MRRF: variants seen among roughly 807,000 people sequenced by gnomAD.
MRRF encodes ribosome-recycling factor, mitochondrial.
MRRF carries 18 observed loss-of-function variants against 25.1 expected under a neutral mutation model. That is an observed-to-expected ratio of 0.72 (90% CI 0.50 to 1.06). The LOEUF (loss-of-function observed/expected upper bound fraction) is 1.06, where lower values mean the gene tolerates loss of function less well. MRRF is among the 50% of genes least tolerant of loss of function. MRRF has a pLI of 0.00. For synonymous variants in MRRF, 113 were observed against 112.1 expected (o/e 1.01, Z -0.05); for missense variants, 323 against 319.3 (o/e 1.01, Z -0.09).
chr9:122,275,153 A>G (rs1285801123), intron 2 of MRRF, among the ~76,000 whole-genome samples: 5 of 151,482 alleles, frequency 3.3e-5, no homozygotes, highest in Non-Finnish European at 2.9e-5. Context: ...TCCAGAGTAT[A>G]ATACAATATT....
intron 5 of MRRF, among the ~76,000 whole-genome samples, chr9:122,312,168 G>T (rs1835244822): frequency 6.6e-6 from 1 of 152,312 alleles, no homozygotes; most frequent in East Asian, 1.9e-4. Context: ...AAAGATCGGG[G>T]TTTGAATCCC....
At chr9:122,265,034 A>G (rs1034253805) in intron 1 of MRRF, 96 bp downstream of exon 1, 3 of 146,432 alleles carry the variant, frequency 2.0e-5, no homozygotes, top group African/African-American at 7.8e-5. Context: ...GGACCAGACT[A>G]CCGTCCCCGA....
chr9:122,283,133 G>A (rs995794434), intron 3 of MRRF, among the ~76,000 whole-genome samples: 8 of 146,240 alleles, frequency 5.5e-5, no homozygotes, highest in Admixed American at 4.2e-4. Context: ...TTGCACTGTC[G>A]CCAGGAGTGG....
intron 2 of MRRF, among the ~76,000 whole-genome samples, chr9:122,279,101 G>A (rs1832948413): frequency 6.6e-6 from 1 of 152,110 alleles, no homozygotes; most frequent in Non-Finnish European, 1.5e-5. Flanking sequence ...TTGAACTCCT[G>A]ACCTCGTGAT....
Position 122,269,616 on chromosome 9 carries a change from A to T in MRRF, c.-28-1248A>T, listed in dbSNP as rs892357741. Among the ~76,000 whole-genome samples, 6 of 152,154 alleles carry T rather than the reference A, an allele frequency of 3.9e-5. No homozygotes were observed. The South Asian group carries it at 1.0e-3, about 26-fold the overall frequency. On this transcript the variant is annotated intron_variant, in intron 1 of 6. Transcript: ENST00000344641. The stretch of plus-strand genomic sequence containing the variant: ...GTGGCATGTGCCTGTAATCCCAGCT[A>T]CTTGGGAGGCTGAGGCATGAGAATT...
At chr9:122,286,152 A>G (rs1183686629) in intron 4 of MRRF, 2 of 1,279,836 alleles carry the variant, frequency 1.6e-6, no homozygotes, top group Admixed American at 4.6e-5. Context: ...CCATTTCCTC[A>G]TCTGCTAATA....
At chr9:122,277,861 ACTTT>A (rs1832872232) in intron 2 of MRRF, among the ~76,000 whole-genome samples, 1 of 151,446 alleles carries the variant, frequency 6.6e-6, no homozygotes, top group South Asian at 2.1e-4. Context: ...CTTATTTTGG[ACTTT>A]CTTTATATCA....
intron 5 of MRRF, among the ~76,000 whole-genome samples, chr9:122,294,192 T>C (rs530835614): frequency 7.2e-5 from 11 of 152,304 alleles, no homozygotes; most frequent in African/African-American, 2.6e-4. Context: ...TTTCTGAAGC[T>C]CCAAAATACT....
intron 2 of MRRF, among the ~76,000 whole-genome samples, chr9:122,276,039 C>T (rs1341709829): frequency 1.3e-5 from 2 of 152,062 alleles, no homozygotes; most frequent in African/African-American, 2.4e-5. Flanking sequence ...TCCCAAGTAG[C>T]TGGGACTATA....
chr9:122,291,870 A>G lies in MRRF; in HGVS notation c.551+30A>G. The G allele has an allele frequency of 2.0e-6, 3 of 1,505,854 alleles. No homozygotes were observed. The East Asian group carries it at 6.8e-5, about 34-fold the overall frequency. 93.3% of individuals were successfully genotyped at this position (1,505,854 alleles called of 1,614,324 possible). A position where few individuals can be genotyped will look rare whatever the true frequency, so the allele number is the denominator to read the frequency against. ...GTTTGGCTGAAATTCACATATTTTG[A>G]TGAAACGGGGTGGTTGTCCTTGGAA... On this transcript the variant is annotated intron_variant, in intron 5 of 6. Coordinates refer to ENST00000344641, the MANE Select transcript of MRRF (RefSeq NM_138777.5).
At chr9:122,287,880 C>G (rs764548852) in intron 4 of MRRF, among the ~76,000 whole-genome samples, 1 of 152,192 alleles carries the variant, frequency 6.6e-6, no homozygotes, top group Non-Finnish European at 1.5e-5. Flanking sequence ...ATAGCTCTAA[C>G]TAAAGATTTC....
At chr9:122,303,765 C>A (rs1340926797) in intron 5 of MRRF, among the ~76,000 whole-genome samples, 4 of 152,152 alleles carry the variant, frequency 2.6e-5, no homozygotes, top group Non-Finnish European at 5.9e-5. Context: ...TGCTCATGGT[C>A]ATAGATTAGT....
chr9:122,299,818 T>G (rs1834330453), intron 5 of MRRF, among the ~76,000 whole-genome samples: 1 of 151,912 alleles, frequency 6.6e-6, no homozygotes, highest in Non-Finnish European at 1.5e-5. Context: ...GATCTGAGAT[T>G]ATTGGACTTA....
At chr9:122,287,144 C>A (rs1833466402) in intron 4 of MRRF, among the ~76,000 whole-genome samples, 1 of 152,216 alleles carries the variant, frequency 6.6e-6, no homozygotes, top group Non-Finnish European at 1.5e-5. Context: ...ACACTAAGTT[C>A]TCCTATACAG....
At position 122,327,466 on chromosome 9, in the gene MRRF, T is replaced by C. The variant is rs1316631227; in HGVS notation, c.*4849T>C. On this transcript the variant is annotated 3_prime_UTR_variant, in exon 7 of 7. Transcript: ENST00000344641. The stretch of plus-strand genomic sequence containing the variant: ...CCTAATAGACGGTCATTTTTCATGA[T>C]GTGCATTTGAAATGATATGTTCCCT... 1 of 152,226 alleles carries C rather than the reference T, an allele frequency of 6.6e-6. No homozygotes were observed. The highest frequency in any genetic ancestry group is 2.4e-5 in the African/African-American group (1 of 41,458). The allele number at this position is 152,226 out of a possible 1,614,324, so 9.4% of individuals were successfully genotyped here.
intron 6 of MRRF, among the ~76,000 whole-genome samples, chr9:122,321,599 A>C (rs1317476722): frequency 1.3e-5 from 2 of 152,220 alleles, no homozygotes; most frequent in Non-Finnish European, 2.9e-5. Context: ...TATCCATTTC[A>C]TCATAGCTTG....
intron 1 of MRRF, among the ~76,000 whole-genome samples, chr9:122,268,582 T>A (rs1344484434): frequency 6.6e-6 from 1 of 152,226 alleles, no homozygotes; most frequent in African/African-American, 2.4e-5. Context: ...AGTGACTTAA[T>A]CTCTCTGAAC....
intron 4 of MRRF, among the ~76,000 whole-genome samples, chr9:122,287,080 C>A (rs974804865): frequency 6.6e-6 from 1 of 152,206 alleles, no homozygotes; most frequent in Non-Finnish European, 1.5e-5. Context: ...ATGGCTTAAA[C>A]GTCACTTTCT....
At chr9:122,316,996 T>C (rs1219592508) in intron 6 of MRRF, among the ~76,000 whole-genome samples, 2 of 151,632 alleles carry the variant, frequency 1.3e-5, no homozygotes, top group African/African-American at 4.8e-5. Flanking sequence ...GGTGGTGTGC[T>C]GTTCACTTTC....
Sources: allele counts gnomAD v4.1 joint callset (sites outside exome capture counted in the v4.1 genomes callset), GRCh38; gene constraint gnomAD v4.1.1; transcripts MANE v1.5; gene names NCBI Gene and HGNC (gene_info 2026-07-23, HGNC 2026-07-21).